Variants in LAPTM4B observed in about 807,000 individuals in gnomAD.
LAPTM4B encodes lysosomal protein transmembrane 4 beta.
Under a neutral mutation model 28.5 loss-of-function variants are expected in LAPTM4B, and 26 were observed. The ratio of observed to expected loss-of-function variants is 0.91; its 90% confidence interval spans 0.67 to 1.27. LAPTM4B has a LOEUF of 1.27. Ranked by LOEUF, LAPTM4B falls within the 50% of genes most tolerant of loss-of-function variation. The probability of loss-of-function intolerance (pLI) is 0.00; values close to 1 mark genes in which losing one functional copy is unlikely to be tolerated. For missense variants in LAPTM4B, 288 were observed against 285.8 expected, an observed-to-expected ratio of 1.01 and a Z score of -0.06; for synonymous variants, 109 against 106.4, an observed-to-expected ratio of 1.02 and a Z score of -0.15.
At chr8:97,827,745 C>T (rs920915036) in intron 6 of LAPTM4B, among the ~76,000 whole-genome samples, 2 of 152,042 alleles carry the variant, frequency 1.3e-5, no homozygotes, top group African/African-American at 2.4e-5. Flanking sequence ...CACTCAGGTG[C>T]GAGCGGGCTG....
At chr8:97,810,080 C>G (rs1458194340) in intron 2 of LAPTM4B, among the ~76,000 whole-genome samples, 1 of 152,098 alleles carries the variant, frequency 6.6e-6, no homozygotes, top group East Asian at 1.9e-4. Context: ...GAGGCATGAG[C>G]CACCATGCCT....
intron 1 of LAPTM4B, among the ~76,000 whole-genome samples, chr8:97,801,830 C>G (rs138038272): frequency 9.3e-6 from 1 of 106,986 alleles, no homozygotes; most frequent in Admixed American, 1.2e-4. Flanking sequence ...GGCGACAGTG[C>G]GAAACTCCAT....
chr8:97,840,851 C>A (rs936621387), intron 6 of LAPTM4B, among the ~76,000 whole-genome samples: 1 of 139,740 alleles, frequency 7.2e-6, no homozygotes, highest in African/African-American at 2.8e-5. Flanking sequence ...CGGGCAGAGG[C>A]GCTCCTCACT....
intron 1 of LAPTM4B, among the ~76,000 whole-genome samples, chr8:97,782,038 T>C (rs111607430): frequency 0.034 from 5,163 of 150,362 alleles, 307 homozygotes; most frequent in African/African-American, 0.12. Flanking sequence ...TGGAGTGCAA[T>C]GGTGCGATCT....
chr8:97,811,830 G>T (rs1816832425), intron 2 of LAPTM4B, among the ~76,000 whole-genome samples: 1 of 152,112 alleles, frequency 6.6e-6, no homozygotes. Flanking sequence ...TTTTGAGACA[G>T]GGTCTTGCTC....
At chr8:97,810,875 T>C (rs1816815827) in intron 2 of LAPTM4B, among the ~76,000 whole-genome samples, 1 of 152,236 alleles carries the variant, frequency 6.6e-6, no homozygotes, top group Non-Finnish European at 1.5e-5. Flanking sequence ...GCTACTTATA[T>C]ATACAGTCAC....
chr8:97,819,836 G>A (rs60596439), intron 5 of LAPTM4B, among the ~76,000 whole-genome samples: 6,933 of 141,840 alleles, frequency 0.049, 519 homozygotes, highest in African/African-American at 0.17. Context: ...CCGGCTTCAC[G>A]CCATTATCTT....
chr8:97,825,689 AT>A (rs1213040425), intron 6 of LAPTM4B, among the ~76,000 whole-genome samples: 3 of 152,246 alleles, frequency 2.0e-5, no homozygotes, highest in Admixed American at 2.0e-4. Context: ...GTCATAAAAG[AT>A]TTTTGAAAAC....
intron 1 of LAPTM4B, among the ~76,000 whole-genome samples, chr8:97,785,662 T>C (rs1816388449): frequency 2.6e-5 from 4 of 152,218 alleles, no homozygotes; most frequent in African/African-American, 9.6e-5. Context: ...GGGAGTGTAC[T>C]GATACAAAGT....
intron 1 of LAPTM4B, among the ~76,000 whole-genome samples, chr8:97,786,865 C>T (rs1816411580): frequency 6.6e-6 from 1 of 152,070 alleles, no homozygotes; most frequent in Non-Finnish European, 1.5e-5. Flanking sequence ...GAAGGTGAGC[C>T]AGTTATGCTA....
intron 6 of LAPTM4B, among the ~76,000 whole-genome samples, chr8:97,843,140 C>CA (rs1277512959): frequency 1.3e-5 from 2 of 152,136 alleles, no homozygotes; most frequent in Non-Finnish European, 2.9e-5. Flanking sequence ...CTCTGCCTCC[C>CA]AAAGTGTTAG....
At chr8:97,831,000 A>G (rs2449533) in intron 6 of LAPTM4B, among the ~76,000 whole-genome samples, 152,262 of 152,304 alleles carry the variant, frequency 1, 76,110 homozygotes, top group Middle Eastern at 1. Context: ...GGGTTCTTGA[A>G]GGGTGGCTCA....
chr8:97,841,358 AC>A (rs1367600060), intron 6 of LAPTM4B, among the ~76,000 whole-genome samples: 2 of 152,056 alleles, frequency 1.3e-5, no homozygotes, highest in Non-Finnish European at 2.9e-5. Context: ...ATGGAGTTTC[AC>A]TCTTGTCACC....
chr8:97,839,527 G>C (rs540518431), intron 6 of LAPTM4B, among the ~76,000 whole-genome samples: 29 of 152,220 alleles, frequency 1.9e-4, no homozygotes, highest in African/African-American at 6.7e-4. Flanking sequence ...CCGGTCTGCT[G>C]GAAATTATCT....
chr8:97,833,487 G>A (rs1817216320), intron 6 of LAPTM4B, among the ~76,000 whole-genome samples: 1 of 152,168 alleles, frequency 6.6e-6, no homozygotes, highest in Non-Finnish European at 1.5e-5. Context: ...GTTTCCAGTT[G>A]TGTCATAAAG....
At chr8:97,785,888 T>C (rs757230660) in intron 1 of LAPTM4B, among the ~76,000 whole-genome samples, 13 of 152,224 alleles carry the variant, frequency 8.5e-5, no homozygotes, top group Non-Finnish European at 1.5e-4. Flanking sequence ...AAGACTTGCA[T>C]CCCTCAGATA....
intron 2 of LAPTM4B, among the ~76,000 whole-genome samples, chr8:97,807,590 G>A (rs1238803122): frequency 6.6e-6 from 1 of 152,204 alleles, no homozygotes; most frequent in East Asian, 1.9e-4. Context: ...CAAAGGTCAG[G>A]CATGGGAGTC....
rs780890407 is a variant in LAPTM4B at position 97,775,874 on chromosome 8, C to T, written c.-136C>T. On this transcript the variant is annotated 5_prime_UTR_variant, in exon 1 of 7. Coordinates refer to ENST00000521545, the MANE Select transcript of LAPTM4B (RefSeq NM_018407.6). ...GCTCTCGGGGTATCGAGGAGGCAGG[C>T]CCGCGGGCGCACGGGCGAGCGGGCC... 34 of 1,498,860 alleles carry T rather than the reference C, an allele frequency of 2.3e-5. No homozygotes were observed. In the South Asian group the frequency reaches 4.2e-4, roughly 19 times the overall value. 92.8% of individuals were successfully genotyped at this position (1,498,860 alleles called of 1,614,324 possible). A position where few individuals can be genotyped will look rare whatever the true frequency, so the allele number is the denominator to read the frequency against.
At chr8:97,848,937 C>T (rs1293156345) in intron 6 of LAPTM4B, among the ~76,000 whole-genome samples, 4 of 149,582 alleles carry the variant, frequency 2.7e-5, no homozygotes, top group African/African-American at 9.9e-5. Flanking sequence ...TTTTTTCTTC[C>T]CGCAGCTCAA....
Sources: gnomAD v4.1 joint callset for allele counts (sites outside exome capture counted in the v4.1 genomes callset) on GRCh38, gnomAD v4.1.1 for gene constraint, MANE v1.5 for transcripts, NCBI Gene and HGNC (gene_info 2026-07-23, HGNC 2026-07-21) for gene names.